BRF2: variants seen among roughly 807,000 people sequenced by gnomAD.
BRF2 encodes the protein BRF2 general transcription factor IIIB subunit, also known as transcription factor IIIB 50 kDa subunit.
In BRF2, 17 loss-of-function variants were observed where a neutral mutation model predicts 26.6. The observed-to-expected ratio is 0.64, with a 90% CI of 0.44 to 0.96. BRF2 has a LOEUF of 0.96. Among genes scored for constraint, BRF2 ranks in the 40% least tolerant of loss-of-function variants. BRF2 has a pLI of 0.00. For missense variants in BRF2, 515 were observed against 537.0 expected (o/e 0.96, Z 0.40); for synonymous variants, 219 against 226.6 (o/e 0.97, Z 0.30).
Position 37,847,149 on chromosome 8 carries a change from G to T in BRF2, c.241C>A (p.Arg81=). 1.2e-6 allele frequency: 2 copies of T among 1,613,940 alleles called. No individual in the cohort carries two copies. Among genetic ancestry groups the T allele is most frequent in the South Asian group, 2.2e-5 (2 of 91,070 alleles). The change falls in exon 3 of 4, where the codon CGA becomes AGA. Residue 81 remains arginine (R), a synonymous_variant. Coordinates refer to ENST00000220659, the MANE Select transcript of BRF2 (RefSeq NM_018310.4). The part of the protein sequence containing the change: ...RGLRRVRDLC[R]VLQLPPTFED... ...AATGTTGGTGGCAACTGCAGAACTCGACAAAGGTCTCTCACTCGCCGGAGA... is the reference window on the plus strand; with the variant it reads ...AATGTTGGTGGCAACTGCAGAACTCTACAAAGGTCTCTCACTCGCCGGAGA...
chr8:37,847,244 C>T (rs1405884755), intron 2 of BRF2, 69 bp from the exon 3 acceptor site: 3 of 1,396,442 alleles, frequency 2.1e-6, no homozygotes, highest in Non-Finnish European at 3.0e-6. Context: ...GAAAATTCTG[C>T]TAGGACTTAC....
At position 37,847,069 on chromosome 8, in the gene BRF2, T is replaced by TCGGATGC; in HGVS notation, c.314_320dup (p.Ala108HisfsTer25). On this transcript the variant is annotated frameshift_variant, in exon 3 of 4. Transcript: ENST00000220659. LOFTEE classifies it high-confidence loss of function. ...CCTCCTTCTTTTGCAGCCTGGCCGC[T>TCGGATGC]CGGATGCCAGAGTGCCGATATGCCT... 6.2e-7 allele frequency: 1 copy of TCGGATGC among 1,614,230 alleles called. No homozygotes were observed. Among genetic ancestry groups the TCGGATGC allele is most frequent in the Non-Finnish European group, 8.5e-7 (1 of 1,180,048 alleles).
chr8:37,844,566 G>C lies in BRF2; in HGVS notation c.1184C>G (p.Thr395Ser), dbSNP rs769681458. ...CTGAAAGTCCCTAACTTCCTGAGGG[G>C]TACGCAAATACTGTTCTATTTCACT... ...SDSEIEQYLR[T>S]PQEVRDFQRA... Residue 395 changes from threonine (T) to serine (S), a missense_variant, in exon 4 of 4, where the codon ACC becomes AGC. Physicochemically the swap from Thr to Ser is moderately conservative, Grantham distance 58. Coordinates refer to ENST00000220659, the MANE Select transcript of BRF2 (RefSeq NM_018310.4). 1 of 1,614,032 alleles carries C rather than the reference G, an allele frequency of 6.2e-7. No individual in the cohort carries two copies. Among genetic ancestry groups the C allele is most frequent in the Non-Finnish European group, 8.5e-7 (1 of 1,179,998 alleles).
At chr8:37,847,599 G>C (rs976572881) in intron 2 of BRF2, among the ~76,000 whole-genome samples, 7 of 152,110 alleles carry the variant, frequency 4.6e-5, no homozygotes, top group African/African-American at 1.7e-4. Context: ...GCGCCATCTT[G>C]GCTCACTGAA....
At chr8:37,848,251 A>G (rs1306323336) in intron 2 of BRF2, among the ~76,000 whole-genome samples, 1 of 142,714 alleles carries the variant, frequency 7.0e-6, no homozygotes, top group Non-Finnish European at 1.5e-5. Context: ...CGCCCGGCTC[A>G]TTATTATTTT....
chr8:37,845,629 G>T, intron 3 of BRF2: 1 of 684,270 alleles, frequency 1.5e-6, no homozygotes, highest in South Asian at 1.6e-5. Context: ...AAAAAGAAAA[G>T]AACATAGCTA....
At chr8:37,847,402 C>T in intron 2 of BRF2, 1 of 650,512 alleles carries the variant, frequency 1.5e-6, no homozygotes. Flanking sequence ...TTTTTGCAGG[C>T]TGGTTTGATT....
chr8:37,843,849 G>A lies in BRF2; in HGVS notation c.*641C>T, dbSNP rs1805892056. ...TTTTTGCAATATGCTGGGGAAAGGG[G>A]AGGGAGGGAATGAAAGTGCCAAAGA... is the stretch of plus-strand genomic sequence containing the variant. On this transcript the variant is annotated 3_prime_UTR_variant, in exon 4 of 4. Transcript: ENST00000220659. The A allele has an allele frequency of 2.6e-5, 4 of 152,840 alleles. No individual in the cohort carries two copies. 9.5% of individuals were successfully genotyped at this position (152,840 alleles called of 1,614,324 possible).
At chr8:37,845,286 C>A in intron 3 of BRF2, 73 bp from the exon 4 acceptor site, 1 of 1,206,076 alleles carries the variant, frequency 8.3e-7, no homozygotes, top group Non-Finnish European at 1.2e-6. Flanking sequence ...AAAGACAGCC[C>A]ACTCAAGATG....
At position 37,844,665 on chromosome 8, in the gene BRF2, A is replaced by G. The variant is rs1406100288; in HGVS notation, c.1085T>C (p.Met362Thr). 2 of 1,614,104 alleles carry G rather than the reference A, an allele frequency of 1.2e-6. No homozygotes were observed. The change falls in exon 4 of 4, where the codon ATG (methionine) becomes ACG (threonine). Residue 362 changes from methionine (M) to threonine (T), a missense_variant. By Grantham distance (81) the Met-to-Thr change is moderately conservative. Transcript: ENST00000220659. ...GCAGATCCGCTTCGGGGACTTCAAC[A>G]TGCAGGGTGGCAAGAGAAGGGCAGG... ...ASPALLLPPC[M>T]LKSPKRICPV...
Position 37,845,154 on chromosome 8 carries a change from TTC to T in BRF2, c.594_595del (p.Lys199AspfsTer14), listed in dbSNP as rs781066957. On this transcript the variant is annotated frameshift_variant, in exon 4 of 4. Transcript: ENST00000220659. LOFTEE classifies it low-confidence loss of function (END_TRUNC). ...CAACTGCATTGTTCGAGACAGCATC[TTC>T]TCTTTGTCTTCCACGTATTTGGCTG... The T allele has an allele frequency of 6.2e-7, 1 of 1,613,418 alleles. No individual in the cohort carries two copies. Among genetic ancestry groups the T allele is most frequent in the Non-Finnish European group, 8.5e-7 (1 of 1,179,756 alleles).
intron 1 of BRF2, among the ~76,000 whole-genome samples, chr8:37,849,234 G>C (rs892182599): frequency 6.6e-6 from 1 of 152,230 alleles, no homozygotes; most frequent in African/African-American, 2.4e-5. Context: ...AATGGCTGCA[G>C]ATTTTGAGGG....
chr8:37,846,619 T>G (rs1333219294), intron 3 of BRF2, among the ~76,000 whole-genome samples: 2 of 151,794 alleles, frequency 1.3e-5, no homozygotes, highest in Non-Finnish European at 2.9e-5. Context: ...ACAAAAAAAT[T>G]AGCCAGGCAT....
chr8:37,845,648 G>C, intron 3 of BRF2: 1 of 692,230 alleles, frequency 1.4e-6, no homozygotes, highest in Non-Finnish European at 2.6e-6. Context: ...TACTTCAAAT[G>C]AGAAAAGAGC....
Position 37,847,001 on chromosome 8 carries a change from T to C in BRF2, c.389A>G (p.Asn130Ser). The part of the protein sequence containing the change: ...CCVLITCRQH[N>S]WPLTMGAICT... ...GATGGCCCCCATTGTTAGGGGCCAG[T>C]TATGCTGTCGGCAGGTGATTAAGAC... is the stretch of plus-strand genomic sequence containing the variant. The change falls in exon 3 of 4, where the codon AAC (asparagine) becomes AGC (serine). Residue 130 changes from asparagine to serine, a missense_variant. Physicochemically the swap from Asn to Ser is conservative, Grantham distance 46. Coordinates refer to ENST00000220659, the MANE Select transcript of BRF2 (RefSeq NM_018310.4). 1 of 1,614,236 alleles carries C rather than the reference T, an allele frequency of 6.2e-7. No homozygotes were observed. The highest frequency in any genetic ancestry group is 1.1e-5 in the South Asian group (1 of 91,086).
Position 37,844,666 on chromosome 8 carries a change from T to C in BRF2, c.1084A>G (p.Met362Val). 2 of 1,614,092 alleles carry C rather than the reference T, an allele frequency of 1.2e-6. No homozygotes were observed. The highest frequency in any genetic ancestry group is 1.1e-5 in the South Asian group (1 of 91,074). The change falls in exon 4 of 4, where the codon ATG (methionine) becomes GTG (valine). Residue 362 changes from methionine (M) to valine (V), a missense_variant. Transcript: ENST00000220659. ...ASPALLLPPCMLKSPKRICPV... is the reference protein window; with the variant it reads ...ASPALLLPPCVLKSPKRICPV... ...CAGATCCGCTTCGGGGACTTCAACA[T>C]GCAGGGTGGCAAGAGAAGGGCAGGA...
rs1805908465 is a variant in BRF2 at position 37,844,377 on chromosome 8, C to T, written c.*113G>A. 1.1e-5 allele frequency: 15 copies of T among 1,411,350 alleles called. No individual in the cohort carries two copies. Among genetic ancestry groups the T allele is most frequent in the Non-Finnish European group, 1.4e-5 (14 of 1,032,974 alleles). 87.4% of individuals were successfully genotyped at this position (1,411,350 alleles called of 1,614,324 possible). On this transcript the variant is annotated 3_prime_UTR_variant, in exon 4 of 4. Coordinates refer to ENST00000220659, the MANE Select transcript of BRF2 (RefSeq NM_018310.4). ...ACTAATGGCAGAGCCCCTCTTGGTT[C>T]CTTCAAACAAGAAAAGCAATACCTA...
In BRF2 at chr8:37,843,275, A is replaced by C. The variant is rs528866146; in HGVS notation, c.*1215T>G. ...GACCCATCTCCCTAGTCTCAGCCTT[A>C]CAACACCACGGGACTAAGGAAGAGC... On this transcript the variant is annotated 3_prime_UTR_variant, in exon 4 of 4. Coordinates refer to ENST00000220659, the MANE Select transcript of BRF2 (RefSeq NM_018310.4). The C allele has an allele frequency of 2.0e-5, 3 of 152,230 alleles. No homozygotes were observed. The highest frequency in any genetic ancestry group is 7.2e-5 in the African/African-American group (3 of 41,448). 9.4% of individuals were successfully genotyped at this position (152,230 alleles called of 1,614,324 possible). A position where few individuals can be genotyped will look rare whatever the true frequency, so the allele number is the denominator to read the frequency against.
rs1805906036 is a variant in BRF2 at position 37,844,305 on chromosome 8, T to G, written c.*185A>C. 1 of 680,106 alleles carries G rather than the reference T, an allele frequency of 1.5e-6. No homozygotes were observed. Among genetic ancestry groups the G allele is most frequent in the Non-Finnish European group, 2.5e-6 (1 of 398,796 alleles). The allele number at this position is 680,106 out of a possible 1,614,324, so 42.1% of individuals were successfully genotyped here. On this transcript the variant is annotated 3_prime_UTR_variant, in exon 4 of 4. Transcript: ENST00000220659. ...CCAAGGGATGGGAATCTCTCCTACC[T>G]ATAGTCATCCCTGCACTCCTGACTT...
Sources: gnomAD v4.1 joint callset for allele counts (sites outside exome capture counted in the v4.1 genomes callset) on GRCh38, gnomAD v4.1.1 for gene constraint, MANE v1.5 for transcripts, NCBI Gene and HGNC (gene_info 2026-07-23, HGNC 2026-07-21) for gene names.